The following RSPO2 variants were observed in gnomAD, a reference collection of about 807,000 sequenced individuals.
The protein encoded by RSPO2 is R-spondin 2.
In RSPO2, 14 loss-of-function variants were observed where a neutral mutation model predicts 30.9. That is an observed-to-expected ratio of 0.45 (90% CI 0.30 to 0.71). The LOEUF (loss-of-function observed/expected upper bound fraction) is 0.71, where lower values mean the gene tolerates loss of function less well. RSPO2 is among the 30% of genes least tolerant of loss of function. The pLI is 0.08. For missense variants in RSPO2, 264 were observed against 301.9 expected (o/e 0.87, Z 0.93); for synonymous variants, 107 against 96.4 (o/e 1.11, Z -0.64).
chr8:107,971,295 C>A lies in RSPO2; in HGVS notation c.284-10478G>T, dbSNP rs374795157. On this transcript the variant is annotated intron_variant, in intron 3 of 5. Coordinates refer to ENST00000276659, the MANE Select transcript of RSPO2 (RefSeq NM_178565.5). Reference sequence around the variant, plus strand: ...AACGGAAAGTCACGACTTTTATTTTCCAACCATTAGTACCATTACTAAAAA... The same window carrying A: ...AACGGAAAGTCACGACTTTTATTTTACAACCATTAGTACCATTACTAAAAA... Among the ~76,000 whole-genome samples, 5 of 152,250 alleles carry A rather than the reference C, an allele frequency of 3.3e-5. No individual in the cohort carries two copies. In the East Asian group the frequency reaches 5.8e-4, roughly 18 times the overall value.
At chr8:107,915,307 T>C (rs529101160) in intron 5 of RSPO2, among the ~76,000 whole-genome samples, 54 of 152,286 alleles carry the variant, frequency 3.5e-4, no homozygotes, top group Admixed American at 1.3e-3. Context: ...TCTGTAGCTC[T>C]ATTTTGGGGT....
intron 2 of RSPO2, among the ~76,000 whole-genome samples, chr8:108,039,131 A>G (rs768290792): frequency 1.3e-5 from 2 of 152,144 alleles, no homozygotes; most frequent in Non-Finnish European, 2.9e-5. Context: ...TGACATTTCC[A>G]TTTATTCTCT....
chr8:108,012,141 C>T (rs1030850876), intron 2 of RSPO2, among the ~76,000 whole-genome samples: 9 of 152,148 alleles, frequency 5.9e-5, no homozygotes, highest in African/African-American at 2.2e-4. Context: ...TTCATTATTC[C>T]TTTACCTTTC....
chr8:108,011,706 G>A (rs1040366110), intron 2 of RSPO2, among the ~76,000 whole-genome samples: 42 of 152,304 alleles, frequency 2.8e-4, no homozygotes, highest in African/African-American at 9.6e-4. Flanking sequence ...AATGTGTGCC[G>A]TTTGAACCAC....
intron 3 of RSPO2, among the ~76,000 whole-genome samples, chr8:107,987,222 C>CAA (rs147366835): frequency 6.6e-6 from 1 of 151,868 alleles, no homozygotes; most frequent in East Asian, 1.9e-4. Flanking sequence ...TTATTACCCA[C>CAA]AAAAAAAATC....
intron 5 of RSPO2, among the ~76,000 whole-genome samples, chr8:107,934,984 A>G (rs1054959393): frequency 2.0e-5 from 3 of 152,198 alleles, no homozygotes; most frequent in Non-Finnish European, 4.4e-5. Context: ...AATTGTTTGT[A>G]GAGCATGTGT....
At chr8:107,912,702 G>A (rs1460949277) in intron 5 of RSPO2, among the ~76,000 whole-genome samples, 1 of 152,058 alleles carries the variant, frequency 6.6e-6, no homozygotes, top group African/African-American at 2.4e-5. Flanking sequence ...TCAAGTTTGG[G>A]GCTTCTGCCT....
intron 2 of RSPO2, among the ~76,000 whole-genome samples, chr8:108,070,312 G>T: frequency 7.9e-6 from 1 of 126,772 alleles, no homozygotes. Flanking sequence ...TTGAGACAGA[G>T]TCTCGCTCTG....
intron 2 of RSPO2, among the ~76,000 whole-genome samples, chr8:108,047,500 T>C (rs2130670928): frequency 6.6e-6 from 1 of 152,246 alleles, no homozygotes; most frequent in African/African-American, 2.4e-5. Flanking sequence ...TCAGGAAAAT[T>C]CTTGAAAGGC....
intron 3 of RSPO2, among the ~76,000 whole-genome samples, chr8:107,962,854 CT>C (rs1415441724): frequency 6.6e-6 from 1 of 152,090 alleles, no homozygotes; most frequent in Non-Finnish European, 1.5e-5. Context: ...CAGCTATCAT[CT>C]ATGAGGTCTG....
intron 5 of RSPO2, among the ~76,000 whole-genome samples, chr8:107,907,521 C>G (rs1586530110): frequency 6.6e-6 from 1 of 152,018 alleles, no homozygotes; most frequent in Non-Finnish European, 1.5e-5. Context: ...TTCAAAGGGT[C>G]ACTTAGTCAT....
At chr8:107,925,187 T>C (rs1013223397) in intron 5 of RSPO2, among the ~76,000 whole-genome samples, 17 of 151,728 alleles carry the variant, frequency 1.1e-4, no homozygotes, top group African/African-American at 4.1e-4. Context: ...AAAGACTACA[T>C]ATTGGGAACA....
In RSPO2 at chr8:108,001,322, A is replaced by T. The variant is rs1232558341; in HGVS notation, c.95-12078T>A. 2.6e-5 allele frequency among the ~76,000 whole-genome samples: 4 copies of T among 152,304 alleles called. No homozygotes were observed. The East Asian group carries it at 5.8e-4, about 22-fold the overall frequency. ...CCCAATAAGAAATTAAAATCGTGAG[A>T]CCTCAATTTAGCATAAACAATTCCC... On this transcript the variant is annotated intron_variant, in intron 2 of 5. Coordinates refer to ENST00000276659, the MANE Select transcript of RSPO2 (RefSeq NM_178565.5).
intron 5 of RSPO2, among the ~76,000 whole-genome samples, chr8:107,932,700 G>GA (rs1258688858): frequency 2.0e-5 from 3 of 152,074 alleles, no homozygotes; most frequent in African/African-American, 7.2e-5. Flanking sequence ...CAGATGGGCA[G>GA]AAAGGTGAGG....
At chr8:107,946,081 G>C (rs552097990) in intron 5 of RSPO2, among the ~76,000 whole-genome samples, 1 of 152,290 alleles carries the variant, frequency 6.6e-6, no homozygotes, top group East Asian at 1.9e-4. Context: ...AAGATGTGTG[G>C]AGCACTGAGA....
intron 2 of RSPO2, among the ~76,000 whole-genome samples, chr8:108,077,106 AC>A (rs1266691566): frequency 6.6e-6 from 1 of 152,192 alleles, no homozygotes; most frequent in Non-Finnish European, 1.5e-5. Context: ...TTCGCTGTGA[AC>A]CTAAAAGCGC....
At chr8:108,061,415 A>G (rs1035490475) in intron 2 of RSPO2, among the ~76,000 whole-genome samples, 48 of 151,976 alleles carry the variant, frequency 3.2e-4, no homozygotes, top group Non-Finnish European at 6.0e-4. Context: ...CTTTAAACCA[A>G]CAAAGATCAA....
chr8:108,082,652 C>T lies in RSPO2; in HGVS notation c.-14G>A, dbSNP rs564260198. 5.6e-6 allele frequency: 9 copies of T among 1,608,852 alleles called. No individual in the cohort carries two copies. In the East Asian group the frequency reaches 1.1e-4, roughly 20 times the overall value. ...GCGAAACTGCATCTGGGCGGTCGGG[C>T]GGGGGAGAGACGCCTCTCAAAGTCT... is the stretch of plus-strand genomic sequence containing the variant. On this transcript the variant is annotated 5_prime_UTR_variant, in exon 2 of 6. Transcript: ENST00000276659.
chr8:107,961,042 G>T (rs1031830907), intron 3 of RSPO2, among the ~76,000 whole-genome samples: 1 of 152,092 alleles, frequency 6.6e-6, no homozygotes, highest in East Asian at 1.9e-4. Flanking sequence ...CCAGCCCAGG[G>T]TCCCAGGCAC....
Sources: allele counts gnomAD v4.1 joint callset (sites outside exome capture counted in the v4.1 genomes callset), GRCh38; gene constraint gnomAD v4.1.1; transcripts MANE v1.5; gene names NCBI Gene and HGNC (gene_info 2026-07-23, HGNC 2026-07-21).